The following RGS12 variants were observed in gnomAD, a reference collection of about 807,000 sequenced individuals.
RGS12 encodes regulator of G protein signaling 12, also known as regulator of G-protein signaling 12.
In RGS12, 66 loss-of-function variants were observed where a neutral mutation model predicts 120.1. The ratio of observed to expected loss-of-function variants is 0.55; its 90% CI spans 0.45 to 0.67. The LOEUF (loss-of-function observed/expected upper bound fraction) is 0.67. Among genes scored for constraint, RGS12 ranks in the 30% least tolerant of loss-of-function variants. The pLI, the probability that RGS12 is intolerant of heterozygous loss-of-function variation, is 0.00. For synonymous variants in RGS12, 827 were observed against 804.7 expected (o/e 1.03, Z -0.47); for missense variants, 1,859 against 1,957.7 (o/e 0.95, Z 0.95).
At chr4:3,348,836 G>A (rs1034229913) in intron 3 of RGS12, among the ~76,000 whole-genome samples, 5 of 152,156 alleles carry the variant, frequency 3.3e-5, no homozygotes, top group Admixed American at 1.3e-4. Flanking sequence ...AGTGATATGC[G>A]GCCAGCAGGT....
In RGS12 at chr4:3,295,115, C is replaced by T. The variant is rs559948088; in HGVS notation, c.-102+2016C>T. 6.6e-5 allele frequency among the ~76,000 whole-genome samples: 10 copies of T among 152,156 alleles called. No homozygotes were observed. The East Asian group carries it at 1.5e-3, about 24-fold the overall frequency. On this transcript the variant is annotated intron_variant, in intron 1 of 17. Coordinates refer to ENST00000336727, the MANE Select transcript of RGS12 (RefSeq NM_001394154.1). The stretch of plus-strand genomic sequence containing the variant: ...GTGGCCAGGCCGAGGAGACCTGTGG[C>T]GCTGGGAGCTGGGACTCAGTGAGGT...
At chr4:3,362,897 C>T (rs1367608772) in intron 3 of RGS12, among the ~76,000 whole-genome samples, 3 of 122,932 alleles carry the variant, frequency 2.4e-5, no homozygotes, top group African/African-American at 9.5e-5. Context: ...ATGTGTGCAT[C>T]AGTGTGAGTG....
chr4:3,352,857 A>G (rs982006328), intron 3 of RGS12, among the ~76,000 whole-genome samples: 2 of 152,206 alleles, frequency 1.3e-5, no homozygotes, highest in Non-Finnish European at 2.9e-5. Context: ...GGTTTTTAAC[A>G]TAGTGACTCC....
intron 1 of RGS12, among the ~76,000 whole-genome samples, chr4:3,296,735 G>A (rs1723403996): frequency 6.6e-6 from 1 of 152,226 alleles, no homozygotes; most frequent in Non-Finnish European, 1.5e-5. Flanking sequence ...GATGGGCAGG[G>A]TTTGTCCAGG....
intron 4 of RGS12, among the ~76,000 whole-genome samples, chr4:3,388,723 G>T (rs60138308): frequency 6.6e-6 from 1 of 152,208 alleles, no homozygotes; most frequent in Non-Finnish European, 1.5e-5. Flanking sequence ...CCCACACCCT[G>T]CCCTCCACGG....
Position 3,419,498 on chromosome 4 carries a change from A to ATAAC in RGS12, c.2762-1141_2762-1140insCTAA, listed in dbSNP as rs1722769959. 1.3e-5 allele frequency: 2 copies of ATAAC among 151,610 alleles called. 1 individual carries two copies. The highest frequency in any genetic ancestry group is 1.3e-4 in the Admixed American group (2 of 15,214). 9.4% of individuals were successfully genotyped at this position (151,610 alleles called of 1,614,324 possible). On this transcript the variant is annotated intron_variant, in intron 9 of 17. Transcript: ENST00000336727. ...AACAAGACTGTCTCAAAATAAATAA[A>ATAAC]TAAATAAATAAATGAAAGCAAACCT...
intron 2 of RGS12, among the ~76,000 whole-genome samples, chr4:3,319,289 CTAAAA>C (rs530599939): frequency 6.6e-6 from 1 of 151,980 alleles, no homozygotes; most frequent in South Asian, 2.1e-4. Context: ...GACTCTGGCT[CTAAAA>C]TAAAATAAAA....
chr4:3,373,183 G>T (rs551073040), intron 3 of RGS12, among the ~76,000 whole-genome samples: 92 of 152,322 alleles, frequency 6.0e-4, no homozygotes, highest in Middle Eastern at 6.8e-3. Flanking sequence ...CTGGCGACAC[G>T]CAGCAGTCAC....
intron 17 of RGS12, among the ~76,000 whole-genome samples, chr4:3,439,182 G>A (rs1725088693): frequency 6.6e-6 from 1 of 152,146 alleles, no homozygotes; most frequent in Non-Finnish European, 1.5e-5. Context: ...AGCTGCAGTG[G>A]GGAAGCAGGG....
chr4:3,316,832 T>G lies in RGS12; in HGVS notation c.662T>G (p.Leu221Trp), dbSNP rs762091119. The G allele has an allele frequency of 1.2e-6, 2 of 1,614,026 alleles. No individual in the cohort carries two copies. The highest frequency in any genetic ancestry group is 2.7e-5 in the African/African-American group (2 of 74,942). The change falls in exon 2 of 18, where the codon TTG (leucine) becomes TGG (tryptophan). Residue 221 changes from leucine to tryptophan, a missense_variant. By Grantham distance (61) the Leu-to-Trp change is moderately conservative (BLOSUM62 -2). Around this residue, in one of 3 missense-constraint regions of RGS12, gnomAD observed 967 missense variants for 994.2 expected, o/e 0.97. Transcript: ENST00000336727. ...CTAGAAAGTCATGACGATTTTGCAT[T>G]GGATGCAAGTATTTTAAACGTGGCG... ...IGLESHDDFA[L>W]DASILNVAMI...
intron 2 of RGS12, chr4:3,342,561 G>A (rs1199196437): frequency 7.7e-7 from 1 of 1,299,792 alleles, no homozygotes; most frequent in Non-Finnish European, 1.0e-6. Flanking sequence ...CATCATACTA[G>A]TCATCTTTAC....
chr4:3,346,085 G>A (rs966390114), intron 3 of RGS12, among the ~76,000 whole-genome samples: 18 of 152,148 alleles, frequency 1.2e-4, no homozygotes, highest in Non-Finnish European at 2.6e-4. Context: ...AATTTTCCCA[G>A]AAGAATTTAT....
chr4:3,342,738 G>A (rs1251449783), intron 2 of RGS12, among the ~76,000 whole-genome samples, 199 bp from the exon 3 acceptor site: 1 of 152,118 alleles, frequency 6.6e-6, no homozygotes, highest in African/African-American at 2.4e-5. Flanking sequence ...ATCCTGGGAT[G>A]ACTGTTTTTT....
At chr4:3,291,112 C>T (rs572013108), upstream of RGS12, among the ~76,000 whole-genome samples, 13 of 152,258 alleles carry the variant, frequency 8.5e-5, no homozygotes, top group South Asian at 2.1e-4. Context: ...ACCTGGAGGC[C>T]GGGCAAGTGT....
In RGS12 at chr4:3,365,091, C is replaced by G. The variant is rs1482741057; in HGVS notation, c.1999-21325C>G. ...GAGGTGACGGCGGTTTGCAGGTTCCCCGGGAGCTGTTGGAGCCAGGAGCCT... is the reference window on the plus strand; with the variant it reads ...GAGGTGACGGCGGTTTGCAGGTTCCGCGGGAGCTGTTGGAGCCAGGAGCCT... On this transcript the variant is annotated intron_variant, in intron 3 of 17. Coordinates refer to ENST00000336727, the MANE Select transcript of RGS12 (RefSeq NM_001394154.1). This position sits in a 1 kb window ranked among gnomAD's most constrained non-coding sequence, Gnocchi z 4.0. 3.3e-5 allele frequency among the ~76,000 whole-genome samples: 5 copies of G among 152,014 alleles called. No homozygotes were observed. Among genetic ancestry groups the G allele is most frequent in the Non-Finnish European group, 5.9e-5 (4 of 67,988 alleles).
rs759766181 is a variant in RGS12 at position 3,430,762 on chromosome 4, C to A, written c.3921C>A (p.Ser1307=). ...TCTGCACTCCCCAGTCCCCCGTCTCCCTCGCGCAGGAGGGCACCGCCCAGA... is the reference window on the plus strand; with the variant it reads ...TCTGCACTCCCCAGTCCCCCGTCTCACTCGCGCAGGAGGGCACCGCCCAGA... ...GPFCTPQSPV[S]LAQEGTAQIW... Residue 1307 remains serine (S), a synonymous_variant, in exon 17 of 18, where the codon TCC becomes TCA. Transcript: ENST00000336727. 22 of 1,609,912 alleles carry A rather than the reference C, an allele frequency of 1.4e-5. No individual in the cohort carries two copies. The highest frequency in any genetic ancestry group is 1.7e-6 in the Non-Finnish European group (2 of 1,178,348).
At chr4:3,425,101 C>T (rs1723468720) in intron 13 of RGS12, among the ~76,000 whole-genome samples, 1 of 152,226 alleles carries the variant, frequency 6.6e-6, no homozygotes, top group South Asian at 2.1e-4. Context: ...AGTTGTCTGT[C>T]TTTGCTTCCT....
intron 3 of RGS12, chr4:3,370,454 C>T: frequency 1.1e-6 from 1 of 883,072 alleles, no homozygotes. Context: ...AAATGGTTTT[C>T]ATGTGTCTGC....
chr4:3,431,901 G>A lies in RGS12; in HGVS notation c.4114+946G>A, dbSNP rs1045579760. The A allele has an allele frequency of 5.1e-6, 5 of 985,408 alleles. No homozygotes were observed. The African/African-American group carries it at 5.2e-5, about 10-fold the overall frequency. The allele number at this position is 985,408 out of a possible 1,614,324, so 61.0% of individuals were successfully genotyped here. ...TTGTCAGACCTGTAGCCTGGACCTCGCCGGGGGACCAGGGAGTGCACGTCT... is the reference window on the plus strand; with the variant it reads ...TTGTCAGACCTGTAGCCTGGACCTCACCGGGGGACCAGGGAGTGCACGTCT... On this transcript the variant is annotated intron_variant, in intron 17 of 17. Transcript: ENST00000336727.
Sources: allele counts gnomAD v4.1 joint callset (sites outside exome capture counted in the v4.1 genomes callset), GRCh38; gene constraint gnomAD v4.1.1; regional missense constraint gnomAD v4.1.1; non-coding constraint Gnocchi (gnomAD v3.1); transcripts MANE v1.5; gene names NCBI Gene and HGNC (gene_info 2026-07-23, HGNC 2026-07-21).